SCD5: variants seen among roughly 807,000 people sequenced by gnomAD.
SCD5 encodes stearoyl-CoA desaturase 5.
Under a neutral mutation model 30.4 loss-of-function variants are expected in SCD5, and 20 were observed. The observed-to-expected ratio is 0.66, with a 90% CI of 0.46 to 0.96. The LOEUF (loss-of-function observed/expected upper bound fraction) is 0.96, where lower values mean the gene tolerates loss of function less well. Ranked by LOEUF, SCD5 falls within the 40% of genes least tolerant of loss-of-function variation. SCD5 has a pLI of 0.00. For synonymous variants in SCD5, 173 were observed against 176.4 expected, an observed-to-expected ratio of 0.98 and a Z score of 0.16; for missense variants, 381 against 443.3, an observed-to-expected ratio of 0.86 and a Z score of 1.26.
chr4:82,654,613 G>C (rs1727830477), intron 3 of SCD5, among the ~76,000 whole-genome samples: 1 of 152,118 alleles, frequency 6.6e-6, no homozygotes, highest in African/African-American at 2.4e-5. Context: ...CAAATATCTA[G>C]ACATTGGCTC....
chr4:82,653,102 C>T (rs1437192747), intron 3 of SCD5, among the ~76,000 whole-genome samples: 1 of 152,096 alleles, frequency 6.6e-6, no homozygotes, highest in Non-Finnish European at 1.5e-5. Context: ...TCCAGTGATC[C>T]CTGCTCATGC....
intron 1 of SCD5, among the ~76,000 whole-genome samples, chr4:82,769,912 TATCAAAATA>T (rs1560558484): frequency 9.2e-5 from 14 of 151,800 alleles, no homozygotes; most frequent in Non-Finnish European, 1.2e-4. Flanking sequence ...TTTAAAACTA[TATCAAAATA>T]AAAACTTACA....
rs1727972606 is a variant in SCD5, at chr4:82,660,473, A to G, written c.569+20234T>C. The G allele has an allele frequency of 1.2e-5, 12 of 960,794 alleles. No individual in the cohort carries two copies. In the South Asian group the frequency reaches 2.2e-4, roughly 18 times the overall value. The allele number at this position is 960,794 out of a possible 1,614,324, so 59.5% of individuals were successfully genotyped here. On this transcript the variant is annotated intron_variant, in intron 3 of 4. Transcript: ENST00000319540. ...CAACGTGTACAGGTTTTTAGAACCT[A>G]AAGTTTTTATAAATGGAATATCTCC...
At chr4:82,781,041 G>GC (rs1560561767) in intron 1 of SCD5, among the ~76,000 whole-genome samples, 1 of 152,166 alleles carries the variant, frequency 6.6e-6, no homozygotes, top group South Asian at 2.1e-4. Context: ...ACGCAGCAGG[G>GC]CCCCCCAGAG....
chr4:82,640,174 G>C (rs1727513827), intron 3 of SCD5, among the ~76,000 whole-genome samples: 1 of 152,158 alleles, frequency 6.6e-6, no homozygotes, highest in African/African-American at 2.4e-5. Flanking sequence ...CTTCCACTCA[G>C]ACCCTGCTCC....
intron 1 of SCD5, among the ~76,000 whole-genome samples, chr4:82,755,370 C>A (rs1331428222): frequency 6.6e-6 from 1 of 151,968 alleles, no homozygotes; most frequent in Admixed American, 6.6e-5. Context: ...CATGGTGGCA[C>A]ACGCCTGTAA....
chr4:82,710,751 C>T (rs1440100428), intron 1 of SCD5, among the ~76,000 whole-genome samples: 3 of 152,006 alleles, frequency 2.0e-5, no homozygotes, highest in African/African-American at 4.8e-5. Flanking sequence ...TCTAGACCTT[C>T]CCAGGTTCTG....
chr4:82,652,062 G>T (rs1034349393), intron 3 of SCD5, among the ~76,000 whole-genome samples: 2 of 152,126 alleles, frequency 1.3e-5, no homozygotes, highest in African/African-American at 4.8e-5. Context: ...AAGCTCCTGG[G>T]TAACACTGAT....
chr4:82,779,388 G>A lies in SCD5; in HGVS notation c.232+18918C>T, dbSNP rs866310712. ...ACCAGGTGAAAAAGGCAAGGAAACA[G>A]ATTACCCACGAGGGCCTCCTGAATG... On this transcript the variant is annotated intron_variant, in intron 1 of 4. Coordinates refer to ENST00000319540, the MANE Select transcript of SCD5 (RefSeq NM_001037582.3). 3.9e-5 allele frequency among the ~76,000 whole-genome samples: 6 copies of A among 152,306 alleles called. No individual in the cohort carries two copies. In the Middle Eastern group the frequency reaches 0.02, roughly 518 times the overall value.
chr4:82,638,581 C>G (rs1014272668), intron 3 of SCD5, among the ~76,000 whole-genome samples: 2 of 152,182 alleles, frequency 1.3e-5, no homozygotes, highest in Non-Finnish European at 1.5e-5. Context: ...ATTAGCTCCC[C>G]CACACTTCCA....
chr4:82,691,224 T>C (rs1366280719), intron 2 of SCD5, among the ~76,000 whole-genome samples: 3 of 151,998 alleles, frequency 2.0e-5, no homozygotes, highest in Non-Finnish European at 4.4e-5. Context: ...CGGGGTTTCA[T>C]CATGTTGGCC....
intron 1 of SCD5, among the ~76,000 whole-genome samples, chr4:82,710,332 C>G (rs561615160): frequency 6.6e-5 from 10 of 152,194 alleles, no homozygotes; most frequent in Admixed American, 5.9e-4. Flanking sequence ...CCACCAGATG[C>G]TGACTCTCCA....
intron 1 of SCD5, among the ~76,000 whole-genome samples, chr4:82,738,681 C>T (rs933107964): frequency 6.6e-6 from 1 of 152,214 alleles, no homozygotes; most frequent in Non-Finnish European, 1.5e-5. Flanking sequence ...AGAGAAGCTA[C>T]ACCCAACAGC....
intron 1 of SCD5, among the ~76,000 whole-genome samples, chr4:82,728,294 T>G (rs1195240350): frequency 6.6e-6 from 1 of 152,096 alleles, no homozygotes; most frequent in Admixed American, 6.5e-5. Context: ...CAAGCTAAGT[T>G]TGGGAGGAAT....
At chr4:82,772,461 T>C (rs373751377) in intron 1 of SCD5, among the ~76,000 whole-genome samples, 12 of 152,374 alleles carry the variant, frequency 7.9e-5, no homozygotes, top group East Asian at 5.8e-4. Context: ...TTAGCTTTGA[T>C]TGTTTACAAA....
chr4:82,798,525 C>T lies in SCD5; in HGVS notation c.13G>A (p.Ala5Thr). 6.3e-7 allele frequency: 1 copy of T among 1,597,420 alleles called. No homozygotes were observed. Among genetic ancestry groups the T allele is most frequent in the Non-Finnish European group, 8.5e-7 (1 of 1,172,798 alleles). Residue 5 changes from alanine (A) to threonine (T), a missense_variant, in exon 1 of 5, where the codon GCC (alanine) becomes ACC (threonine). Transcript: ENST00000319540. ...AAAGGGATCTTCCCCGCGTCGGTGG[C>T]CGGGCCTGGCATGGCTGGGCGAGGT... is the stretch of plus-strand genomic sequence containing the variant. MPGP[A>T]TDAGKIPFCD...
rs147320165 is a variant in SCD5 at position 82,736,310 on chromosome 4, A to C, written c.233-30897T>G. On this transcript the variant is annotated intron_variant, in intron 1 of 4. Transcript: ENST00000319540. The stretch of plus-strand genomic sequence containing the variant: ...TAAGAAAAAACAAAACAAAACAAAA[A>C]AAAAACCATTATTCTCAGCCAGGCG... 1.1e-3 allele frequency among the ~76,000 whole-genome samples: 162 copies of C among 151,964 alleles called. 1 individual carries two copies. The highest frequency in any genetic ancestry group is 2.2e-3 in the Admixed American group (34 of 15,242).
chr4:82,790,804 G>GA (rs372870623), intron 1 of SCD5, among the ~76,000 whole-genome samples: 6,441 of 147,410 alleles, frequency 0.044, 171 homozygotes, highest in Middle Eastern at 0.07. Context: ...ATAAAATAAA[G>GA]AAAAAAAAAA....
At chr4:82,782,447 A>G (rs1721892355) in intron 1 of SCD5, among the ~76,000 whole-genome samples, 1 of 152,108 alleles carries the variant, frequency 6.6e-6, no homozygotes, top group South Asian at 2.1e-4. Context: ...CCTGGGAAGC[A>G]GCTGCTGCCC....
Sources: allele counts gnomAD v4.1 joint callset (sites outside exome capture counted in the v4.1 genomes callset), GRCh38; gene constraint gnomAD v4.1.1; transcripts MANE v1.5; gene names NCBI Gene and HGNC (gene_info 2026-07-23, HGNC 2026-07-21).